ROBO2: variants seen among roughly 807,000 people sequenced by gnomAD.
ROBO2 encodes the protein roundabout homolog 2.
In ROBO2, 53 loss-of-function variants were observed where a neutral mutation model predicts 160.8. That is an observed-to-expected ratio of 0.33 (90% CI 0.26 to 0.41). ROBO2 has a LOEUF of 0.41. Ranked by LOEUF, ROBO2 falls within the 10% of genes least tolerant of loss-of-function variation. ROBO2 has a pLI of 1.00. For missense variants in ROBO2, 1,577 were observed against 1,722.4 expected (o/e 0.92, Z 1.49); for synonymous variants, 664 against 611.7 (o/e 1.09, Z -1.26).
chr3:76,358,102 A>G (rs1301740401), intron 2 of ROBO2, among the ~76,000 whole-genome samples: 1 of 151,980 alleles, frequency 6.6e-6, no homozygotes, highest in East Asian at 1.9e-4. Context: ...AAGCCCCCCG[A>G]GGTGGATATA....
chr3:76,068,911 C>T (rs2068350834), intron 2 of ROBO2, among the ~76,000 whole-genome samples: 1 of 152,166 alleles, frequency 6.6e-6, no homozygotes, highest in African/African-American at 2.4e-5. Flanking sequence ...GGTTCCAGGA[C>T]ACAATATTGT....
At chr3:76,426,927 G>C (rs568798302) in intron 2 of ROBO2, among the ~76,000 whole-genome samples, 1 of 152,216 alleles carries the variant, frequency 6.6e-6, no homozygotes, top group South Asian at 2.1e-4. Flanking sequence ...CTTCGTGATG[G>C]TGAGAGCATC....
At chr3:76,779,277 A>G (rs2062477995) in intron 2 of ROBO2, among the ~76,000 whole-genome samples, 1 of 151,062 alleles carries the variant, frequency 6.6e-6, no homozygotes, top group Admixed American at 6.6e-5. Context: ...AATATCGTCA[A>G]CGCCAAAAAT....
chr3:77,484,508 A>AACACACAC lies in ROBO2; in HGVS notation c.667+3317_667+3324dup, dbSNP rs60959193. On this transcript the variant is annotated intron_variant, in intron 4 of 25. Transcript: ENST00000461745. The stretch of plus-strand genomic sequence containing the variant: ...TACAGGAATCTCTTGCCCCAACACA[A>AACACACAC]ACACACACACACACACACACACACA... Among the ~76,000 whole-genome samples, 741 of 146,820 alleles carry AACACACAC rather than the reference A, an allele frequency of 5.0e-3. 9 individuals are homozygous for AACACACAC. Among genetic ancestry groups the AACACACAC allele is most frequent in the African/African-American group, 0.017 (695 of 39,868 alleles).
intron 2 of ROBO2, among the ~76,000 whole-genome samples, chr3:76,254,640 A>G (rs1287770833): frequency 6.6e-6 from 1 of 152,014 alleles, no homozygotes; most frequent in Non-Finnish European, 1.5e-5. Context: ...AGGAAAGTAT[A>G]CCTGTGTTGA....
chr3:77,026,601 A>G lies in ROBO2; in HGVS notation c.110-71413A>G, dbSNP rs554748211. Among the ~76,000 whole-genome samples, 4 of 152,334 alleles carry G rather than the reference A, an allele frequency of 2.6e-5. No homozygotes were observed. The East Asian group carries it at 7.7e-4, about 29-fold the overall frequency. ...GCTCAGACTCAATTATTGATACGAG[A>G]GGTGAAATCCTTCGAAATATCTTCT... On this transcript the variant is annotated intron_variant, in intron 2 of 26. Transcript: ENST00000487694.
chr3:76,584,327 T>TCC (rs5850269), intron 2 of ROBO2, among the ~76,000 whole-genome samples: 13 of 151,712 alleles, frequency 8.6e-5, no homozygotes, highest in South Asian at 6.3e-4. Context: ...AATATATGAT[T>TCC]CCCCCCCAGA....
intron 2 of ROBO2, among the ~76,000 whole-genome samples, chr3:76,455,720 G>C (rs771853801): frequency 2.6e-5 from 4 of 152,128 alleles, no homozygotes; most frequent in Non-Finnish European, 5.9e-5. Context: ...TCCTTTCAGG[G>C]GAAGGGAAAA....
intron 2 of ROBO2, among the ~76,000 whole-genome samples, chr3:76,384,791 G>A (rs987232313): frequency 4.6e-5 from 7 of 152,066 alleles, no homozygotes; most frequent in Admixed American, 1.3e-4. Context: ...CAGCATGGGG[G>A]TACCTGCCTC....
intron 2 of ROBO2, among the ~76,000 whole-genome samples, chr3:76,499,916 AG>A (rs1376481252): frequency 3.9e-5 from 6 of 152,064 alleles, no homozygotes; most frequent in African/African-American, 1.4e-4. Context: ...ACAAATAAGT[AG>A]GGCAAATTAC....
At chr3:76,051,264 T>TATTC (rs59100142) in intron 2 of ROBO2, among the ~76,000 whole-genome samples, 3 of 151,184 alleles carry the variant, frequency 2.0e-5, no homozygotes, top group Non-Finnish European at 4.4e-5. Flanking sequence ...AGTACTTTGA[T>TATTC]ATGTCACTAT....
intron 2 of ROBO2, among the ~76,000 whole-genome samples, chr3:76,101,041 G>A (rs2069662362): frequency 2.0e-5 from 3 of 151,716 alleles, no homozygotes; most frequent in African/African-American, 7.3e-5. Context: ...AAAAAACAGA[G>A]AGCCAAGGAA....
intron 2 of ROBO2, among the ~76,000 whole-genome samples, chr3:76,559,398 G>A (rs956973043): frequency 7.2e-5 from 11 of 152,182 alleles, no homozygotes; most frequent in African/African-American, 2.4e-4. Context: ...GTGGTGCATT[G>A]CAATCAATTG....
At chr3:77,084,370 A>C (rs984348051) in intron 1 of ROBO2, among the ~76,000 whole-genome samples, 2 of 152,082 alleles carry the variant, frequency 1.3e-5, no homozygotes, top group East Asian at 1.9e-4. Context: ...CCAACTTATC[A>C]GAGTTTGATA....
intron 2 of ROBO2, among the ~76,000 whole-genome samples, chr3:76,940,067 C>T (rs1273175478): frequency 3.4e-5 from 5 of 147,874 alleles, no homozygotes; most frequent in South Asian, 2.1e-4. Context: ...CTGCAAGCTC[C>T]GCCTCCCGGG....
chr3:76,676,326 C>T (rs559496940), intron 2 of ROBO2, among the ~76,000 whole-genome samples: 15 of 152,090 alleles, frequency 9.9e-5, no homozygotes, highest in Non-Finnish European at 1.9e-4. Context: ...TCCTTCCTGG[C>T]GCTTTGCACT....
At chr3:77,105,645 AT>A in intron 2 of ROBO2, among the ~76,000 whole-genome samples, 1 of 152,152 alleles carries the variant, frequency 6.6e-6, no homozygotes, top group East Asian at 1.9e-4. Context: ...CTATTTAAGT[AT>A]GTATAATGCT....
intron 4 of ROBO2, among the ~76,000 whole-genome samples, chr3:77,486,052 G>T (rs563041152): frequency 6.6e-6 from 1 of 152,242 alleles, no homozygotes; most frequent in African/African-American, 2.4e-5. Flanking sequence ...TGTTTCTGCA[G>T]TAGTTTGCTA....
chr3:76,734,406 C>A (rs184892), intron 2 of ROBO2, among the ~76,000 whole-genome samples: 27,587 of 152,090 alleles, frequency 0.18, 2,658 homozygotes, highest in Non-Finnish European at 0.22. Flanking sequence ...GTGTAGTCTG[C>A]ATATTATTAA....
Sources: allele counts gnomAD v4.1 joint callset (sites outside exome capture counted in the v4.1 genomes callset), GRCh38; gene constraint gnomAD v4.1.1; transcripts MANE v1.5; gene names NCBI Gene and HGNC (gene_info 2026-07-23, HGNC 2026-07-21).